INSL6: variants seen among roughly 807,000 people sequenced by gnomAD.
INSL6 encodes insulin-like peptide INSL6.
Under a neutral mutation model 9.4 loss-of-function variants are expected in INSL6, and 16 were observed. The observed-to-expected ratio is 1.70, with a 90% CI of 1.15 to 2.59. INSL6 has a LOEUF of 2.59. Among genes scored for constraint, INSL6 ranks in the 30% most tolerant of loss-of-function variants. The pLI is 0.00. For missense variants in INSL6, 391 were observed against 257.3 expected, an observed-to-expected ratio of 1.52 and a Z score of -3.56; for synonymous variants, 154 against 96.9, an observed-to-expected ratio of 1.59 and a Z score of -3.46.
At chr9:5,006,468 T>C in the INSL6 span, among the ~76,000 whole-genome samples, 1 of 152,232 alleles carries the variant, frequency 6.6e-6, no homozygotes, top group African/African-American at 2.4e-5. Flanking sequence ...TGTTCTCATA[T>C]TGCTATAAAG....
intron 3 of INSL6, among the ~76,000 whole-genome samples, chr9:5,131,219 C>T (rs913131171): frequency 6.6e-6 from 1 of 152,102 alleles, no homozygotes; most frequent in Admixed American, 6.5e-5. Context: ...CTTTCTTCCT[C>T]TGCTTAATAA....
the INSL6 span, among the ~76,000 whole-genome samples, chr9:5,065,925 T>C: frequency 2.6e-5 from 4 of 152,194 alleles, no homozygotes; most frequent in African/African-American, 2.4e-5. Context: ...GTAATGAATA[T>C]TGTTGCTATG....
intron 1 of INSL6, among the ~76,000 whole-genome samples, chr9:5,184,623 A>AC (rs1271945568): frequency 2.0e-5 from 3 of 152,188 alleles, no homozygotes; most frequent in Non-Finnish European, 4.4e-5. Context: ...ACTGAAACCT[A>AC]TGTAGTCACA....
chr9:5,142,142 G>C (rs534209557), intron 2 of INSL6, among the ~76,000 whole-genome samples: 2 of 152,284 alleles, frequency 1.3e-5, no homozygotes, highest in Admixed American at 1.3e-4. Flanking sequence ...TTTGAAATAG[G>C]GTAGCATGAT....
Position 5,129,459 on chromosome 9 carries a change from A to G in INSL6, c.*10+3966T>C, listed in dbSNP as rs1179490709. ...TGTTGTATCCCATCCTAATTCTTGTACTGAAATTATTTCTCATGAAAGTTT... is the reference window on the plus strand; with the variant it reads ...TGTTGTATCCCATCCTAATTCTTGTGCTGAAATTATTTCTCATGAAAGTTT... On this transcript the variant is annotated intron_variant, in intron 3 of 3. Coordinates refer to the INSL6 transcript ENST00000649639. Among the ~76,000 whole-genome samples, 7 of 152,218 alleles carry G rather than the reference A, an allele frequency of 4.6e-5. No individual in the cohort carries two copies. The South Asian group carries it at 1.2e-3, about 27-fold the overall frequency.
the INSL6 span, among the ~76,000 whole-genome samples, chr9:5,118,673 A>G: frequency 4.6e-5 from 7 of 152,176 alleles, no homozygotes; most frequent in Non-Finnish European, 8.8e-5. Flanking sequence ...ACGCTGAGAA[A>G]ACTTGTTTGT....
the INSL6 span, chr9:5,069,816 G>A: frequency 3.7e-6 from 2 of 537,498 alleles, no homozygotes; most frequent in Non-Finnish European, 6.0e-6. Context: ...ACAATTAGGA[G>A]TTATTAAGCA....
chr9:5,106,787 A>T, the INSL6 span, among the ~76,000 whole-genome samples: 18 of 152,322 alleles, frequency 1.2e-4, 1 homozygote, highest in African/African-American at 4.1e-4. Flanking sequence ...TTCTCAGCAA[A>T]CTAGCGCAAG....
chr9:5,181,493 C>A (rs985560038), intron 1 of INSL6, among the ~76,000 whole-genome samples: 37 of 151,702 alleles, frequency 2.4e-4, no homozygotes, highest in African/African-American at 8.2e-4. Flanking sequence ...ATATTCCTAC[C>A]GAGACCAGAA....
At chr9:5,066,214 G>C in the INSL6 span, among the ~76,000 whole-genome samples, 1 of 152,056 alleles carries the variant, frequency 6.6e-6, no homozygotes, top group Admixed American at 6.5e-5. Context: ...GTCTTTGTCA[G>C]TTGCCATGGT....
At chr9:5,114,363 G>C in the INSL6 span, 1 of 532,664 alleles carries the variant, frequency 1.9e-6, no homozygotes, top group Non-Finnish European at 3.7e-6. Context: ...GCAGTGCAAT[G>C]GCACGTTCAC....
the INSL6 span, chr9:5,055,695 T>G: frequency 6.3e-7 from 1 of 1,583,514 alleles, no homozygotes; most frequent in Non-Finnish European, 8.7e-7. Flanking sequence ...GCGATTTTCC[T>G]AATATTATTG....
chr9:5,061,254 G>A, the INSL6 span, among the ~76,000 whole-genome samples: 1 of 152,174 alleles, frequency 6.6e-6, no homozygotes, highest in Non-Finnish European at 1.5e-5. Context: ...TTAGCAAGAG[G>A]GTCAGCCTAT....
chr9:5,076,399 T>C, the INSL6 span, among the ~76,000 whole-genome samples: 51,658 of 152,032 alleles, frequency 0.34, 9,333 homozygotes, highest in African/African-American at 0.48. Flanking sequence ...ACCTGAACTT[T>C]AAGCAGCCAC....
chr9:5,064,890 A>C, the INSL6 span: 16 of 1,580,616 alleles, frequency 1.0e-5, no homozygotes, highest in East Asian at 6.9e-5. Flanking sequence ...TAGGAAATTG[A>C]ACTTAGCTCA....
chr9:5,123,020 C>G (rs774801005), downstream of INSL6: 2 of 1,610,360 alleles, frequency 1.2e-6, no homozygotes, highest in Non-Finnish European at 1.7e-6. Flanking sequence ...TCCAGAATCA[C>G]TGACAGAGAG....
chr9:5,131,058 A>G (rs559988319), intron 3 of INSL6, among the ~76,000 whole-genome samples: 3 of 152,318 alleles, frequency 2.0e-5, no homozygotes, highest in East Asian at 1.9e-4. Flanking sequence ...AGCATGTAGT[A>G]TAAGATTGTG....
At chr9:5,130,672 A>G (rs979028037) in intron 3 of INSL6, among the ~76,000 whole-genome samples, 1 of 151,594 alleles carries the variant, frequency 6.6e-6, no homozygotes, top group Non-Finnish European at 1.5e-5. Context: ...CTTGAGGTAT[A>G]TATTATGGAA....
chr9:5,133,961 C>A (rs1824340839), intron 2 of INSL6, among the ~76,000 whole-genome samples: 1 of 150,342 alleles, frequency 6.7e-6, no homozygotes, highest in African/African-American at 2.5e-5. Context: ...AAAGGTTAGA[C>A]AAATTGCTAA....
Sources: gnomAD v4.1 joint callset for allele counts (sites outside exome capture counted in the v4.1 genomes callset) on GRCh38, gnomAD v4.1.1 for gene constraint, MANE v1.5 for transcripts, NCBI Gene and HGNC (gene_info 2026-07-23, HGNC 2026-07-21) for gene names.